SMO: variants seen among roughly 807,000 people sequenced by gnomAD.
SMO encodes the protein smoothened, frizzled class receptor.
A neutral mutation model predicts 81.6 loss-of-function variants in SMO; 40 were observed. The observed-to-expected ratio is 0.49, with a 90% confidence interval of 0.38 to 0.64. The LOEUF (loss-of-function observed/expected upper bound fraction) is 0.64, where lower values mean the gene tolerates loss of function less well. Ranked by LOEUF, SMO falls within the 30% of genes least tolerant of loss-of-function variation. The pLI is 0.00. For missense variants in SMO, 916 were observed against 1,061.1 expected (o/e 0.86, Z 1.90); for synonymous variants, 434 against 432.1 (o/e 1.00, Z -0.05).
At chr7:129,196,327 TTGTGTGTGTG>T (rs57674265) in intron 1 of SMO, among the ~76,000 whole-genome samples, 1 of 145,026 alleles carries the variant, frequency 6.9e-6, no homozygotes, top group African/African-American at 2.6e-5. Flanking sequence ...CTATTCTTGA[TTGTGTGTGTG>T]TGTGTGTGTG....
rs755320310 is a variant in SMO, at chr7:129,212,429, T to C, written c.2342T>C (p.Met781Thr). The change falls in exon 12 of 12, where the codon ATG (methionine) becomes ACG (threonine). Residue 781 changes from methionine (M) to threonine (T), a missense_variant. Transcript: ENST00000249373. The surrounding 1 kb of genome is among the most constrained non-coding windows in gnomAD (Gnocchi z 5.0). Reference sequence around the variant, plus strand: ...ACCAACCTGATGGACACAGAACTCATGGATGCAGACTCGGACTTCTGAGCC... The same window carrying C: ...ACCAACCTGATGGACACAGAACTCACGGATGCAGACTCGGACTTCTGAGCC... ...SRTNLMDTEL[M>T]DADSDF The C allele has an allele frequency of 1.4e-5, 23 of 1,611,962 alleles. No individual in the cohort carries two copies. In the African/African-American group the frequency reaches 2.7e-4, roughly 19 times the overall value.
At position 129,211,657 on chromosome 7, in the gene SMO, A is replaced by T. The variant is rs755362549; in HGVS notation, c.1823A>T (p.Asn608Ile). 2 of 1,613,120 alleles carry T rather than the reference A, an allele frequency of 1.2e-6. No homozygotes were observed. The change falls in exon 11 of 12, where the codon AAT becomes ATT. Residue 608 changes from asparagine (N) to isoleucine (I), a missense_variant. Coordinates refer to ENST00000249373, the MANE Select transcript of SMO (RefSeq NM_005631.5). The surrounding 1 kb of genome is among the most constrained non-coding windows in gnomAD (Gnocchi z 4.6). ...GPVAGLAFDLNEPSADVSSAW... is the reference protein window; with the variant it reads ...GPVAGLAFDLIEPSADVSSAW... ...ACAGCGGGCTTGGCCTTTGACCTCA[A>T]TGAGCCCTCAGCTGATGTCTCCTCT...
In SMO at chr7:129,211,570, T is replaced by C; in HGVS notation, c.1802-66T>C. The C allele has an allele frequency of 6.5e-7, 1 of 1,539,940 alleles. No individual in the cohort carries two copies. The highest frequency in any genetic ancestry group is 8.9e-7 in the Non-Finnish European group (1 of 1,121,924). On this transcript the variant is annotated intron_variant, in intron 10 of 11. Transcript: ENST00000249373. The surrounding 1 kb of genome is among the most constrained non-coding windows in gnomAD (Gnocchi z 4.6). Reference sequence around the variant, plus strand: ...GTGGGAAGATGAATGGCACTGACTATGGGAGGCACTGCCAGGGACCGGGAA... The same window carrying C: ...GTGGGAAGATGAATGGCACTGACTACGGGAGGCACTGCCAGGGACCGGGAA...
rs182302155 is a variant in SMO, at chr7:129,196,934, G to A, written c.332-6450G>A. Among the ~76,000 whole-genome samples, 520 of 148,732 alleles carry A rather than the reference G, an allele frequency of 3.5e-3. 4 individuals are homozygous for A. The highest frequency in any genetic ancestry group is 0.012 in the African/African-American group (485 of 40,494). Reference sequence around the variant, plus strand: ...CAGGAGGCTGAGGCAGGAGAATGGCGTGAACCTGGGAGGCGGAGCTTGCAA... The same window carrying A: ...CAGGAGGCTGAGGCAGGAGAATGGCATGAACCTGGGAGGCGGAGCTTGCAA... On this transcript the variant is annotated intron_variant, in intron 1 of 11. Coordinates refer to ENST00000249373, the MANE Select transcript of SMO (RefSeq NM_005631.5).
At position 129,212,009 on chromosome 7, in the gene SMO, C is replaced by G. The variant is rs1173004124; in HGVS notation, c.1937-15C>G. ...AGCCAGGGCCCCAGGCTCGTGTTGT[C>G]TCTCCTCCTGTCAGTGCCCCCAGAG... On this transcript the variant is annotated splice_polypyrimidine_tract_variant and intron_variant, in intron 11 of 11. Coordinates refer to ENST00000249373, the MANE Select transcript of SMO (RefSeq NM_005631.5). This position sits in a 1 kb window ranked among gnomAD's most constrained non-coding sequence, Gnocchi z 5.0. 6.4e-7 allele frequency: 1 copy of G among 1,569,744 alleles called. No individual in the cohort carries two copies. Among genetic ancestry groups the G allele is most frequent in the South Asian group, 1.2e-5 (1 of 85,902 alleles).
rs1425060082 is a variant in SMO at position 129,206,692 on chromosome 7, G to C, written c.1264+105G>C. The C allele has an allele frequency of 4.8e-6, 6 of 1,249,736 alleles. No homozygotes were observed. The East Asian group carries it at 1.4e-4, about 29-fold the overall frequency. The allele number at this position is 1,249,736 out of a possible 1,614,324, so 77.4% of individuals were successfully genotyped here. On this transcript the variant is annotated intron_variant, in intron 6 of 11. Coordinates refer to ENST00000249373, the MANE Select transcript of SMO (RefSeq NM_005631.5). The surrounding 1 kb of genome is among the most constrained non-coding windows in gnomAD (Gnocchi z 4.4). ...CGGCTGCCCCCATGCTGAAACCCCA[G>C]CTAGCTCCTATAGGGCCTTCACACA...
In SMO at chr7:129,212,362, G is replaced by T. The variant is rs1488974485; in HGVS notation, c.2275G>T (p.Ala759Ser). 6.2e-7 allele frequency: 1 copy of T among 1,614,054 alleles called. No homozygotes were observed. Among genetic ancestry groups the T allele is most frequent in the Non-Finnish European group, 8.5e-7 (1 of 1,180,026 alleles). ...CAGTGCACCGGCCCCCGTGGCATGGGCTCATGGCCGCCGACAGGGCCTGGG... is the reference window on the plus strand; with the variant it reads ...CAGTGCACCGGCCCCCGTGGCATGGTCTCATGGCCGCCGACAGGGCCTGGG... ...LPSAPAPVAWAHGRRQGLGPI... is the reference protein window; with the variant it reads ...LPSAPAPVAWSHGRRQGLGPI... The change falls in exon 12 of 12, where the codon GCT becomes TCT. Residue 759 changes from alanine (A) to serine (S), a missense_variant. Around this residue, in one of 4 missense-constraint regions of SMO, gnomAD observed 324 missense variants for 312.9 expected, o/e 1.04. Coordinates refer to ENST00000249373, the MANE Select transcript of SMO (RefSeq NM_005631.5). This position sits in a 1 kb window ranked among gnomAD's most constrained non-coding sequence, Gnocchi z 5.0.
intron 2 of SMO, 59 bp from the exon 3 acceptor site, chr7:129,205,144 A>G: frequency 6.7e-7 from 1 of 1,484,492 alleles, no homozygotes; most frequent in Non-Finnish European, 9.4e-7. Flanking sequence ...ACCTTTCCCT[A>G]AACAAGAGGC....
rs769008401 is a variant in SMO at position 129,212,363 on chromosome 7, C to T, written c.2276C>T (p.Ala759Val). The change falls in exon 12 of 12, where the codon GCT (alanine) becomes GTT (valine). Residue 759 changes from alanine to valine, a missense_variant. Ala to Val is a moderately conservative substitution (Grantham distance 64). This residue lies in a region of SMO where 324 missense variants were observed against 312.9 expected (regional missense o/e 1.04). Coordinates refer to ENST00000249373, the MANE Select transcript of SMO (RefSeq NM_005631.5). The surrounding 1 kb of genome is among the most constrained non-coding windows in gnomAD (Gnocchi z 5.0). ...AGTGCACCGGCCCCCGTGGCATGGGCTCATGGCCGCCGACAGGGCCTGGGG... is the reference window on the plus strand; with the variant it reads ...AGTGCACCGGCCCCCGTGGCATGGGTTCATGGCCGCCGACAGGGCCTGGGG... ...LPSAPAPVAWAHGRRQGLGPI... is the reference protein window; with the variant it reads ...LPSAPAPVAWVHGRRQGLGPI... 6.8e-6 allele frequency: 11 copies of T among 1,614,088 alleles called. No homozygotes were observed. Among genetic ancestry groups the T allele is most frequent in the Admixed American group, 3.3e-5 (2 of 60,030 alleles).
rs375490983 is a variant in SMO, at chr7:129,203,508, C to A, written c.456C>A (p.Gly152=). 109 of 1,607,358 alleles carry A rather than the reference C, an allele frequency of 6.8e-5. 1 individual carries two copies. In the African/African-American group the frequency reaches 1.1e-3, roughly 16 times the overall value. ...GTACCCTCTGCCAGGCCACCCGAGG[C>A]CCCTGTGCCATCGTGGAGAGGGAGC... The part of the protein sequence containing the change: ...PSRTLCQATR[G]PCAIVERERG... Residue 152 remains glycine, a synonymous_variant, in exon 2 of 12, where the codon GGC becomes GGA. Transcript: ENST00000249373.
chr7:129,193,777 AAAAAAAAAATATATATATATAT>A, intron 1 of SMO, among the ~76,000 whole-genome samples: 1 of 90,194 alleles, frequency 1.1e-5, no homozygotes, highest in African/African-American at 4.2e-5. Context: ...AAAAAAAAAA[AAAAAAAAAATATATATATATAT>A]ATATATATAT....
chr7:129,206,729 C>A lies in SMO; in HGVS notation c.1264+142C>A. On this transcript the variant is annotated intron_variant, in intron 6 of 11. Coordinates refer to ENST00000249373, the MANE Select transcript of SMO (RefSeq NM_005631.5). This position sits in a 1 kb window ranked among gnomAD's most constrained non-coding sequence, Gnocchi z 4.4. Reference sequence around the variant, plus strand: ...AGGGCCTTCACACAGTAGAAGGTGACCCTCTAGGCAGACGAAACACCGTGA... The same window carrying A: ...AGGGCCTTCACACAGTAGAAGGTGAACCTCTAGGCAGACGAAACACCGTGA... The A allele has an allele frequency of 1.2e-6, 1 of 822,538 alleles. No individual in the cohort carries two copies. The highest frequency in any genetic ancestry group is 1.7e-5 in the South Asian group (1 of 59,636). 51.0% of individuals were successfully genotyped at this position (822,538 alleles called of 1,614,324 possible).
In SMO at chr7:129,199,095, A is replaced by C. The variant is rs189654438; in HGVS notation, c.332-4289A>C. ...GGTAGATAATGCCAAAGTGATCTCC[A>C]CAAGTGTTTACTAATTTTTATTCCT... is the stretch of plus-strand genomic sequence containing the variant. On this transcript the variant is annotated intron_variant, in intron 1 of 11. Transcript: ENST00000249373. 1.2e-4 allele frequency among the ~76,000 whole-genome samples: 19 copies of C among 152,262 alleles called. No homozygotes were observed. The East Asian group carries it at 2.5e-3, about 20-fold the overall frequency.
rs1324326675 is a variant in SMO, at chr7:129,206,285, T to C, written c.1056T>C (p.Pro352=). ...SFKALGTTYQ[P]LSGKTSYFHL... is the part of the protein sequence containing the mutation. ...AAGCCCTGGGCACCACCTACCAGCC[T>C]CTCTCGGGCAAGACCTCCTACTTCC... Residue 352 remains proline, a synonymous_variant, in exon 5 of 12, where the codon CCT becomes CCC. Transcript: ENST00000249373. This position sits in a 1 kb window ranked among gnomAD's most constrained non-coding sequence, Gnocchi z 4.4. 3 of 1,614,070 alleles carry C rather than the reference T, an allele frequency of 1.9e-6. No homozygotes were observed. The Admixed American group carries it at 5.0e-5, about 27-fold the overall frequency.
rs1270417343 is a variant in SMO at position 129,208,698 on chromosome 7, C to T, written c.1265-61C>T. On this transcript the variant is annotated intron_variant, in intron 6 of 11. Transcript: ENST00000249373. The surrounding 1 kb of genome is among the most constrained non-coding windows in gnomAD (Gnocchi z 5.2). ...GCCTTAGGACCCTCCTCCCACTCAC[C>T]CATCCTTCCCAGCAGGGCAGCCTCA... 20 of 1,040,982 alleles carry T rather than the reference C, an allele frequency of 1.9e-5. No individual in the cohort carries two copies. In the Admixed American group the frequency reaches 3.6e-4, roughly 19 times the overall value. The allele number at this position is 1,040,982 out of a possible 1,614,324, so 64.5% of individuals were successfully genotyped here.
intron 1 of SMO, among the ~76,000 whole-genome samples, chr7:129,198,458 C>G (rs1028201503): frequency 2.0e-5 from 3 of 152,240 alleles, no homozygotes; most frequent in Non-Finnish European, 4.4e-5. Flanking sequence ...ACCGCCCAAC[C>G]AGTACCATGC....
In SMO at chr7:129,212,720, A is replaced by G. The variant is rs1283082175; in HGVS notation, c.*269A>G. 1.9e-6 allele frequency: 1 copy of G among 527,144 alleles called. No individual in the cohort carries two copies. Among genetic ancestry groups the G allele is most frequent in the Non-Finnish European group, 3.4e-6 (1 of 295,316 alleles). 32.7% of individuals were successfully genotyped at this position (527,144 alleles called of 1,614,324 possible). On this transcript the variant is annotated 3_prime_UTR_variant, in exon 12 of 12. Coordinates refer to ENST00000249373, the MANE Select transcript of SMO (RefSeq NM_005631.5). The surrounding 1 kb of genome is among the most constrained non-coding windows in gnomAD (Gnocchi z 5.0). ...TGCCAGCTGCAGCCTGGTTGGCAGC[A>G]TCTGCTCCATCGGGGCAGGGGGTAT...
At chr7:129,209,219 ACTCT>A in intron 7 of SMO, 66 bp from the exon 8 acceptor site, 1 of 913,348 alleles carries the variant, frequency 1.1e-6, no homozygotes, top group Non-Finnish European at 1.8e-6. Flanking sequence ...AGTGGGGCAG[ACTCT>A]CTCCTCCCCA....
At position 129,189,016 on chromosome 7, in the gene SMO, G is replaced by A. The variant is rs1244003182; in HGVS notation, c.-136G>A. On this transcript the variant is annotated 5_prime_UTR_variant, in exon 1 of 12. Coordinates refer to ENST00000249373, the MANE Select transcript of SMO (RefSeq NM_005631.5). This position sits in a 1 kb window ranked among gnomAD's most constrained non-coding sequence, Gnocchi z 4.7. ...GCCGGGGCGCGCGGAGCGTCCGGGG[G>A]GGCCCGGGCCCGGATTCTCTGGGCG... 1 of 716,512 alleles carries A rather than the reference G, an allele frequency of 1.4e-6. No individual in the cohort carries two copies. The highest frequency in any genetic ancestry group is 1.9e-6 in the Non-Finnish European group (1 of 525,306). The allele number at this position is 716,512 out of a possible 1,614,324, so 44.4% of individuals were successfully genotyped here. A position where few individuals can be genotyped will look rare whatever the true frequency, so the allele number is the denominator to read the frequency against.
Sources: allele counts gnomAD v4.1 joint callset (sites outside exome capture counted in the v4.1 genomes callset), GRCh38; gene constraint gnomAD v4.1.1; regional missense constraint gnomAD v4.1.1; non-coding constraint Gnocchi (gnomAD v3.1); transcripts MANE v1.5; gene names NCBI Gene and HGNC (gene_info 2026-07-23, HGNC 2026-07-21).